The following CEP72 variants were observed in gnomAD, a reference collection of about 807,000 sequenced individuals.
CEP72 encodes centrosomal protein 72.
In CEP72, 78 loss-of-function variants were observed where a neutral mutation model predicts 65.7. That is an observed-to-expected ratio of 1.19 (90% CI 0.99 to 1.43). The LOEUF (loss-of-function observed/expected upper bound fraction) is 1.43, where lower values mean the gene tolerates loss of function less well. CEP72 is among the 40% of genes most tolerant of loss of function. The pLI is 0.00. For synonymous variants in CEP72, 358 were observed against 351.7 expected (o/e 1.02, Z -0.20); for missense variants, 914 against 832.9 (o/e 1.10, Z -1.20).
chr5:624,113 G>A lies in CEP72; in HGVS notation c.404-358G>A, dbSNP rs1389138434. Among the ~76,000 whole-genome samples, 1 of 152,194 alleles carries A rather than the reference G, an allele frequency of 6.6e-6. No individual in the cohort carries two copies. Among genetic ancestry groups the A allele is most frequent in the African/African-American group, 2.4e-5 (1 of 41,456 alleles). Reference sequence around the variant, plus strand: ...CCTCCTGGAAGTTGCAGCCTCTCGGGCCGGGCAGGCTCCCTCCGTGGAGGC... The same window carrying A: ...CCTCCTGGAAGTTGCAGCCTCTCGGACCGGGCAGGCTCCCTCCGTGGAGGC... On this transcript the variant is annotated intron_variant, in intron 3 of 11. Transcript: ENST00000264935. This position sits in a 1 kb window ranked among gnomAD's most constrained non-coding sequence, Gnocchi z 4.7.
At chr5:671,278 G>A (rs552807197), downstream of CEP72, among the ~76,000 whole-genome samples, 7 of 152,284 alleles carry the variant, frequency 4.6e-5, no homozygotes, top group East Asian at 3.9e-4. Flanking sequence ...TGTAGTCACC[G>A]CCCTGTGGAC....
chr5:613,113 G>T (rs892619809), intron 1 of CEP72, among the ~76,000 whole-genome samples: 1 of 152,202 alleles, frequency 6.6e-6, no homozygotes, highest in Non-Finnish European at 1.5e-5. Context: ...TGGCTGTGTG[G>T]GGTTTTGTGG....
At chr5:646,080 T>G (rs1044001124) in intron 10 of CEP72, among the ~76,000 whole-genome samples, 5 of 152,194 alleles carry the variant, frequency 3.3e-5, no homozygotes, top group African/African-American at 1.2e-4. Context: ...GCGTCACTCT[T>G]GCTCCCATTG....
chr5:638,156 G>A (rs1473512580), intron 7 of CEP72, among the ~76,000 whole-genome samples: 2 of 152,234 alleles, frequency 1.3e-5, no homozygotes, highest in Non-Finnish European at 2.9e-5. Context: ...CTGCTGTTCT[G>A]AGTGGAAGCC....
At position 644,314 on chromosome 5, in the gene CEP72, C is replaced by T. The variant is rs374855140; in HGVS notation, c.1555C>T (p.His519Tyr). The change falls in exon 10 of 12, where the codon CAT becomes TAT. Residue 519 changes from histidine (H) to tyrosine (Y), a missense_variant. His to Tyr is a moderately conservative substitution (Grantham distance 83, BLOSUM62 2). Transcript: ENST00000264935. ...GTGTCCGCAGGATGATTTGAGACAA[C>T]ATTTAGATAAATCTTTGGAAGAGAA... ...THKELDDLRQ[H>Y]LDKSLEENSR... The T allele has an allele frequency of 2.5e-6, 4 of 1,613,680 alleles. No individual in the cohort carries two copies. The East Asian group carries it at 8.9e-5, about 36-fold the overall frequency.
downstream of CEP72, among the ~76,000 whole-genome samples, chr5:653,933 G>T (rs138174412): frequency 1.8e-4 from 27 of 152,344 alleles, 1 homozygote; most frequent in East Asian, 4.6e-3. Flanking sequence ...GCAGGCCTAA[G>T]AAGAAAATGC....
downstream of CEP72, among the ~76,000 whole-genome samples, chr5:669,902 G>A (rs1242068235): frequency 2.0e-5 from 3 of 152,188 alleles, no homozygotes; most frequent in East Asian, 5.8e-4. Flanking sequence ...CTGACATAGA[G>A]TGGGCCTGTC....
intron 6 of CEP72, among the ~76,000 whole-genome samples, chr5:636,477 T>C (rs1005500657): frequency 3.1e-4 from 47 of 152,310 alleles, no homozygotes; most frequent in African/African-American, 1.1e-3. Flanking sequence ...CGTGATACCA[T>C]GTGATGGCCA....
intron 10 of CEP72, among the ~76,000 whole-genome samples, chr5:647,523 C>T (rs958089226): frequency 3.3e-5 from 5 of 152,182 alleles, no homozygotes; most frequent in African/African-American, 4.8e-5. Flanking sequence ...CAGCCAGTGC[C>T]GCCTCTCCCT....
chr5:666,148 G>A (rs1386864119), intron 4 of CEP72: 4 of 1,604,208 alleles, frequency 2.5e-6, no homozygotes, highest in Middle Eastern at 1.6e-4. Flanking sequence ...GCGACTTAGG[G>A]CTGGGCGCGG....
In CEP72 at chr5:622,645, G is replaced by A. The variant is rs574466700; in HGVS notation, c.404-1826G>A. ...GCTGCAGCTCTTGGCAGCGAGGAGC[G>A]CCTCCTTGGGAGCATGCGGCGTGCA... is the stretch of plus-strand genomic sequence containing the variant. On this transcript the variant is annotated intron_variant, in intron 3 of 11. Coordinates refer to ENST00000264935, the MANE Select transcript of CEP72 (RefSeq NM_018140.4). 1.6e-4 allele frequency among the ~76,000 whole-genome samples: 25 copies of A among 152,354 alleles called. No homozygotes were observed. The South Asian group carries it at 5.0e-3, about 30-fold the overall frequency.
chr5:670,541 C>T (rs1318639134), downstream of CEP72, among the ~76,000 whole-genome samples: 1 of 152,116 alleles, frequency 6.6e-6, no homozygotes, highest in African/African-American at 2.4e-5. Flanking sequence ...GGAAGGACTC[C>T]CTGGCTGCTG....
In CEP72 at chr5:624,824, C is replaced by A. The variant is rs1422980796; in HGVS notation, c.512+245C>A. Among the ~76,000 whole-genome samples the A allele has an allele frequency of 1.3e-5, 2 of 152,208 alleles. No homozygotes were observed. Among genetic ancestry groups the A allele is most frequent in the Non-Finnish European group, 2.9e-5 (2 of 68,034 alleles). ...TTGATTAAGGTAATATGTGTAAAAT[C>A]AACTCAGCAAAGGGCTTGTCCTGTC... On this transcript the variant is annotated intron_variant, in intron 4 of 11. Transcript: ENST00000264935. This position sits in a 1 kb window ranked among gnomAD's most constrained non-coding sequence, Gnocchi z 4.7.
chr5:641,197 T>A (rs1029717933), intron 9 of CEP72: 15 of 985,166 alleles, frequency 1.5e-5, no homozygotes, highest in South Asian at 4.7e-5. Flanking sequence ...CACCGTCTCA[T>A]CTGAGGCCTC....
chr5:638,578 G>A (rs1436096072), intron 7 of CEP72, among the ~76,000 whole-genome samples: 1 of 151,992 alleles, frequency 6.6e-6, no homozygotes, highest in Non-Finnish European at 1.5e-5. Context: ...GGGGGTCCCA[G>A]AGCTGGGTGG....
At chr5:651,472 G>A (rs1042573037) in intron 11 of CEP72, among the ~76,000 whole-genome samples, 2 of 151,976 alleles carry the variant, frequency 1.3e-5, no homozygotes, top group Non-Finnish European at 2.9e-5. Flanking sequence ...GGTCGGGCAC[G>A]GCGGGGCAAC....
At chr5:613,055 G>C (rs1055326429) in intron 1 of CEP72, among the ~76,000 whole-genome samples, 2 of 152,220 alleles carry the variant, frequency 1.3e-5, no homozygotes, top group East Asian at 3.8e-4. Flanking sequence ...GACAAATTCT[G>C]TATCTCTGGT....
chr5:634,705 TG>T (rs1336875142), intron 5 of CEP72, among the ~76,000 whole-genome samples: 1 of 152,116 alleles, frequency 6.6e-6, no homozygotes, highest in Non-Finnish European at 1.5e-5. Flanking sequence ...ACCTTTGTTC[TG>T]GGGTTGCTTC....
At chr5:622,311 C>G (rs2126742425) in intron 3 of CEP72, among the ~76,000 whole-genome samples, 1 of 152,358 alleles carries the variant, frequency 6.6e-6, no homozygotes, top group South Asian at 2.1e-4. Context: ...CTAAAAGTGA[C>G]TTGAGGAGCT....
Sources: allele counts gnomAD v4.1 joint callset (sites outside exome capture counted in the v4.1 genomes callset), GRCh38; gene constraint gnomAD v4.1.1; non-coding constraint Gnocchi (gnomAD v3.1); transcripts MANE v1.5; gene names NCBI Gene and HGNC (gene_info 2026-07-23, HGNC 2026-07-21).